The following CTNNA2 variants were observed in gnomAD, a reference collection of about 807,000 sequenced individuals.
CTNNA2 encodes catenin alpha 2.
In CTNNA2, 42 loss-of-function variants were observed where a neutral mutation model predicts 101.0. The observed-to-expected ratio is 0.42, with a 90% CI of 0.32 to 0.54. CTNNA2 has a LOEUF of 0.54. Among genes scored for constraint, CTNNA2 ranks in the 20% least tolerant of loss-of-function variants. The probability of loss-of-function intolerance (pLI) is 0.14; values close to 1 mark genes in which losing one functional copy is unlikely to be tolerated. For missense variants in CTNNA2, 871 were observed against 1,223.1 expected (o/e 0.71, Z 4.29); for synonymous variants, 450 against 456.4 (o/e 0.99, Z 0.18).
rs548828057 is a variant in CTNNA2, at chr2:79,737,076, G to A, written c.103-7311G>A. ...GTTAAAAGTCACTGCTGCCGGGTGC[G>A]GTGGCTCATGCCAGTAATCCCAGCT... On this transcript the variant is annotated intron_variant, in intron 2 of 18. Transcript: ENST00000402739. 2.8e-4 allele frequency among the ~76,000 whole-genome samples: 43 copies of A among 152,272 alleles called. No homozygotes were observed. The South Asian group carries it at 8.1e-3, about 29-fold the overall frequency.
chr2:79,773,613 A>C (rs1673748306), intron 3 of CTNNA2, among the ~76,000 whole-genome samples: 1 of 152,152 alleles, frequency 6.6e-6, no homozygotes, highest in Non-Finnish European at 1.5e-5. Context: ...TGCCCTGAGC[A>C]GTTTCCAGCA....
At chr2:79,962,413 G>A (rs1323320433) in intron 7 of CTNNA2, among the ~76,000 whole-genome samples, 1 of 152,172 alleles carries the variant, frequency 6.6e-6, no homozygotes, top group East Asian at 1.9e-4. Context: ...TGTCACACTG[G>A]GGATGAGGTT....
intron 4 of CTNNA2, among the ~76,000 whole-genome samples, chr2:79,443,684 C>T (rs1403716597): frequency 2.0e-5 from 3 of 151,940 alleles, no homozygotes; most frequent in Admixed American, 2.0e-4. Flanking sequence ...TATTTTCAGA[C>T]TTATAATACA....
chr2:79,285,813 A>G (rs371642062), intron 2 of CTNNA2, among the ~76,000 whole-genome samples: 4 of 147,098 alleles, frequency 2.7e-5, no homozygotes, highest in Admixed American at 6.7e-5. Context: ...TATCCTTGTT[A>G]ACTTTCTGTC....
At chr2:79,278,309 T>C (rs1376482684) in intron 2 of CTNNA2, among the ~76,000 whole-genome samples, 3 of 152,116 alleles carry the variant, frequency 2.0e-5, no homozygotes. Context: ...AAGATAAATC[T>C]AACTTAGTTT....
At chr2:79,914,737 A>T (rs1419568029) in intron 7 of CTNNA2, among the ~76,000 whole-genome samples, 2 of 152,192 alleles carry the variant, frequency 1.3e-5, no homozygotes, top group African/African-American at 4.8e-5. Flanking sequence ...TTGTATTTTT[A>T]AAAATAATTA....
intron 3 of CTNNA2, among the ~76,000 whole-genome samples, chr2:79,313,899 G>A (rs13412922): frequency 0.15 from 22,318 of 152,038 alleles, 1,731 homozygotes; most frequent in East Asian, 0.24. Context: ...TCATATGACC[G>A]CAGGGAGATG....
intron 7 of CTNNA2, among the ~76,000 whole-genome samples, chr2:80,004,470 G>A (rs1693185039): frequency 6.6e-6 from 1 of 152,070 alleles, no homozygotes; most frequent in Non-Finnish European, 1.5e-5. Flanking sequence ...AATGACATCA[G>A]GAGCAACAAA....
chr2:79,423,259 A>T lies in CTNNA2; in HGVS notation c.-135+49246A>T, dbSNP rs115577266. 4.7e-3 allele frequency among the ~76,000 whole-genome samples: 713 copies of T among 152,268 alleles called. 9 individuals are homozygous for T. Among genetic ancestry groups the T allele is most frequent in the African/African-American group, 0.016 (670 of 41,548 alleles). On this transcript the variant is annotated intron_variant, in intron 4 of 21. Coordinates refer to the CTNNA2 transcript ENST00000466387. ...TGGTCAATAGCACCAGATGAGTCCA[A>T]CCTTCCATCCATCCCCACCAAAGTT...
rs1019195603 is a variant in CTNNA2 at position 79,503,397 on chromosome 2, C to T, written c.-134-1657C>T. The stretch of plus-strand genomic sequence containing the variant: ...GAAGCCACCATCAGAAGGCCTTTGG[C>T]GTGTCATATTCACCATCAAGACGTT... On this transcript the variant is annotated intron_variant, in intron 4 of 21. Coordinates refer to the CTNNA2 transcript ENST00000466387. 3.3e-5 allele frequency among the ~76,000 whole-genome samples: 5 copies of T among 152,082 alleles called. No individual in the cohort carries two copies. The East Asian group carries it at 5.8e-4, about 18-fold the overall frequency.
At chr2:79,492,587 G>T (rs958690921) in intron 4 of CTNNA2, among the ~76,000 whole-genome samples, 2 of 151,896 alleles carry the variant, frequency 1.3e-5, no homozygotes, top group Non-Finnish European at 2.9e-5. Flanking sequence ...AAGCACAAGG[G>T]ATTTAAATTT....
At chr2:80,365,772 T>C (rs1479762037) in intron 7 of CTNNA2, among the ~76,000 whole-genome samples, 1 of 152,182 alleles carries the variant, frequency 6.6e-6, no homozygotes, top group African/African-American at 2.4e-5. Flanking sequence ...AATTAGTTTT[T>C]AGATAAAAAG....
At chr2:79,553,718 G>T (rs1165738323) in intron 1 of CTNNA2, among the ~76,000 whole-genome samples, 1 of 152,154 alleles carries the variant, frequency 6.6e-6, no homozygotes, top group African/African-American at 2.4e-5. Context: ...ACAACAGGGG[G>T]ATGTCTGCCC....
At chr2:79,220,514 G>A (rs1572985750) in intron 2 of CTNNA2, among the ~76,000 whole-genome samples, 1 of 152,214 alleles carries the variant, frequency 6.6e-6, no homozygotes, top group South Asian at 2.1e-4. Flanking sequence ...ACAGAGACAG[G>A]CCACAGGAGT....
At chr2:79,961,890 A>G (rs568866849) in intron 7 of CTNNA2, among the ~76,000 whole-genome samples, 2 of 151,420 alleles carry the variant, frequency 1.3e-5, no homozygotes, top group African/African-American at 4.8e-5. Flanking sequence ...AGTGATTCAG[A>G]TGGACCTTTC....
At chr2:80,294,231 A>C (rs1675523147) in intron 7 of CTNNA2, among the ~76,000 whole-genome samples, 1 of 152,176 alleles carries the variant, frequency 6.6e-6, no homozygotes, top group East Asian at 1.9e-4. Flanking sequence ...AAAATGGGAC[A>C]AGTTTATGTC....
rs550387440 is a variant in CTNNA2, at chr2:79,572,725, G to A, written c.-6+59518G>A. ...CAAGATCACGCTGCTGCATTCCAGC[G>A]TGGGTGACACACTAAGACTTTGTTT... On this transcript the variant is annotated intron_variant, in intron 1 of 18. Coordinates refer to ENST00000402739, the MANE Select transcript of CTNNA2 (RefSeq NM_001282597.3). Among the ~76,000 whole-genome samples, 20 of 152,228 alleles carry A rather than the reference G, an allele frequency of 1.3e-4. No individual in the cohort carries two copies. In the South Asian group the frequency reaches 2.3e-3, roughly 17 times the overall value.
At chr2:80,354,234 C>T (rs887214002) in intron 7 of CTNNA2, among the ~76,000 whole-genome samples, 5 of 152,028 alleles carry the variant, frequency 3.3e-5, no homozygotes, top group South Asian at 2.1e-4. Context: ...AATGTCATCA[C>T]GGGAGAATAT....
At chr2:80,189,108 T>C (rs2148994320) in intron 7 of CTNNA2, among the ~76,000 whole-genome samples, 1 of 151,876 alleles carries the variant, frequency 6.6e-6, no homozygotes, top group African/African-American at 2.4e-5. Flanking sequence ...ACCTGCCACC[T>C]CACCTGGCTA....
Sources: allele counts gnomAD v4.1 joint callset (sites outside exome capture counted in the v4.1 genomes callset), GRCh38; gene constraint gnomAD v4.1.1; transcripts MANE v1.5; gene names NCBI Gene and HGNC (gene_info 2026-07-23, HGNC 2026-07-21).